The following CAMKMT variants were observed in gnomAD, a reference collection of about 807,000 sequenced individuals.
CAMKMT encodes the protein CaM KMT.
CAMKMT carries 53 observed loss-of-function variants against 48.0 expected under a neutral mutation model. The observed-to-expected ratio is 1.10, with a 90% CI of 0.89 to 1.39. CAMKMT has a LOEUF of 1.39. Among genes scored for constraint, CAMKMT ranks in the 40% most tolerant of loss-of-function variants. The pLI is 0.00. For synonymous variants in CAMKMT, 165 were observed against 152.3 expected (o/e 1.08, Z -0.61); for missense variants, 428 against 402.7 (o/e 1.06, Z -0.54).
chr2:44,428,933 G>A (rs777624707), intron 3 of CAMKMT, among the ~76,000 whole-genome samples: 1 of 152,192 alleles, frequency 6.6e-6, no homozygotes, highest in Non-Finnish European at 1.5e-5. Context: ...GCTAAACAGA[G>A]CAAGAAGTTA....
intron 3 of CAMKMT, among the ~76,000 whole-genome samples, chr2:44,637,783 C>G (rs914368144): frequency 6.6e-5 from 10 of 151,966 alleles, no homozygotes; most frequent in Non-Finnish European, 1.5e-4. Context: ...TGAAAAGCCA[C>G]CAGCCAGGCA....
chr2:44,426,320 A>G (rs1684273494), intron 3 of CAMKMT, among the ~76,000 whole-genome samples: 1 of 152,192 alleles, frequency 6.6e-6, no homozygotes, highest in Non-Finnish European at 1.5e-5. Flanking sequence ...TCAATTTAGT[A>G]CTGGAAGTCT....
chr2:44,617,256 G>A (rs1216771755), intron 3 of CAMKMT, among the ~76,000 whole-genome samples: 2 of 152,134 alleles, frequency 1.3e-5, no homozygotes, highest in Non-Finnish European at 2.9e-5. Flanking sequence ...TATTAATATT[G>A]ACCCATAACT....
chr2:44,396,714 A>G (rs1037591400), intron 3 of CAMKMT, among the ~76,000 whole-genome samples: 5 of 151,478 alleles, frequency 3.3e-5, no homozygotes, highest in African/African-American at 7.3e-5. Flanking sequence ...TTAAATATCC[A>G]TATCTTTCAA....
chr2:44,378,043 C>G (rs947323990), intron 2 of CAMKMT, among the ~76,000 whole-genome samples: 4 of 152,180 alleles, frequency 2.6e-5, no homozygotes, highest in Non-Finnish European at 1.5e-5. Context: ...AATACGAATA[C>G]TGCATCTATA....
At chr2:44,402,740 G>GTTTTTTTTTTTTTTTTTTTTTTTCTT in intron 3 of CAMKMT, among the ~76,000 whole-genome samples, 1 of 94,106 alleles carries the variant, frequency 1.1e-5, no homozygotes, top group Non-Finnish European at 2.1e-5. Context: ...TTGTTTTGCT[G>GTTTTTTTTTTTTTTTTTTTTTTTCTT]TTTTTTTTTT....
At chr2:44,626,620 G>A (rs112181261) in intron 3 of CAMKMT, among the ~76,000 whole-genome samples, 2 of 152,178 alleles carry the variant, frequency 1.3e-5, no homozygotes, top group African/African-American at 2.4e-5. Flanking sequence ...ATCCTCACAC[G>A]GTAGAAGGGG....
At chr2:44,499,810 A>C (rs1333738297) in intron 3 of CAMKMT, among the ~76,000 whole-genome samples, 1 of 152,210 alleles carries the variant, frequency 6.6e-6, no homozygotes, top group Non-Finnish European at 1.5e-5. Context: ...GCACAATAGC[A>C]CTGAGTAAAA....
intron 3 of CAMKMT, among the ~76,000 whole-genome samples, chr2:44,442,615 C>T (rs909536046): frequency 2.0e-5 from 3 of 152,310 alleles, no homozygotes; most frequent in African/African-American, 7.2e-5. Context: ...TCAAGGGCTC[C>T]TCTTAATTCT....
At chr2:44,634,130 C>G (rs1418598247) in intron 3 of CAMKMT, among the ~76,000 whole-genome samples, 6 of 152,176 alleles carry the variant, frequency 3.9e-5, no homozygotes, top group Admixed American at 1.3e-4. Context: ...CTGATGGAGT[C>G]TCACACTGCA....
At chr2:44,654,482 A>T (rs548527261) in intron 3 of CAMKMT, among the ~76,000 whole-genome samples, 6 of 152,110 alleles carry the variant, frequency 3.9e-5, no homozygotes, top group African/African-American at 1.4e-4. Context: ...TTTTACACAT[A>T]TTCATGGGGT....
At chr2:44,616,354 T>C (rs1336276743) in intron 3 of CAMKMT, among the ~76,000 whole-genome samples, 1 of 152,244 alleles carries the variant, frequency 6.6e-6, no homozygotes, top group Non-Finnish European at 1.5e-5. Flanking sequence ...AAAATTGCAT[T>C]TATCTGCCAA....
intron 3 of CAMKMT, among the ~76,000 whole-genome samples, chr2:44,502,397 C>T (rs1249009728): frequency 6.6e-6 from 1 of 152,138 alleles, no homozygotes; most frequent in African/African-American, 2.4e-5. Context: ...TCCCTTTCTG[C>T]ACTTCAAGCC....
chr2:44,580,728 TATC>T (rs1669509468), intron 3 of CAMKMT, among the ~76,000 whole-genome samples: 1 of 152,206 alleles, frequency 6.6e-6, no homozygotes, highest in African/African-American at 2.4e-5. Flanking sequence ...ATCATAGCAG[TATC>T]ATCATGAATG....
chr2:44,578,470 T>G (rs1386572677), intron 3 of CAMKMT, among the ~76,000 whole-genome samples: 1 of 89,680 alleles, frequency 1.1e-5, no homozygotes, highest in Non-Finnish European at 2.5e-5. Context: ...ATCTTCAGCC[T>G]CATATGGCAG....
At chr2:44,438,112 A>G (rs1666395858) in intron 3 of CAMKMT, among the ~76,000 whole-genome samples, 1 of 152,204 alleles carries the variant, frequency 6.6e-6, no homozygotes, top group African/African-American at 2.4e-5. Flanking sequence ...TAAGGCACCA[A>G]GAGGTTAAGT....
At chr2:44,441,825 G>A (rs987404072) in intron 3 of CAMKMT, among the ~76,000 whole-genome samples, 9 of 152,126 alleles carry the variant, frequency 5.9e-5, no homozygotes, top group Non-Finnish European at 7.4e-5. Flanking sequence ...AGTTTTCTGT[G>A]CATTTTGACA....
chr2:44,559,193 C>G (rs1248705885), intron 3 of CAMKMT, among the ~76,000 whole-genome samples: 1 of 152,104 alleles, frequency 6.6e-6, no homozygotes, highest in Admixed American at 6.5e-5. Context: ...AATTAGGACA[C>G]ACTATTTGCA....
At chr2:44,671,377 G>T (rs2104127097) in intron 3 of CAMKMT, among the ~76,000 whole-genome samples, 1 of 152,284 alleles carries the variant, frequency 6.6e-6, no homozygotes, top group Middle Eastern at 3.4e-3. Context: ...AGCCTCAGAT[G>T]GGTAACAGGA....
Sources: allele counts gnomAD v4.1 joint callset (sites outside exome capture counted in the v4.1 genomes callset), GRCh38; gene constraint gnomAD v4.1.1; transcripts MANE v1.5; gene names NCBI Gene and HGNC (gene_info 2026-07-23, HGNC 2026-07-21).